The following SAXO1 variants were observed in gnomAD, a reference collection of about 807,000 sequenced individuals.
SAXO1 encodes 4930500O09Rik.
Under a neutral mutation model 17.5 loss-of-function variants are expected in SAXO1, and 21 were observed. The ratio of observed to expected loss-of-function variants is 1.20; its 90% CI spans 0.85 to 1.72. The LOEUF (loss-of-function observed/expected upper bound fraction) is 1.72. SAXO1 is among the 40% of genes most tolerant of loss of function. The probability of loss-of-function intolerance (pLI) is 0.00; values close to 1 mark genes in which losing one functional copy is unlikely to be tolerated. For missense variants in SAXO1, 843 were observed against 596.0 expected (o/e 1.41, Z -4.32); for synonymous variants, 274 against 216.5 (o/e 1.27, Z -2.33).
chr9:18,995,809 G>A (rs904066519), intron 1 of SAXO1, among the ~76,000 whole-genome samples: 1 of 152,274 alleles, frequency 6.6e-6, no homozygotes, highest in Non-Finnish European at 1.5e-5. Context: ...GCTGGGTGTG[G>A]TGGCTTTTGC....
intron 1 of SAXO1, among the ~76,000 whole-genome samples, chr9:18,993,730 C>T (rs973272106): frequency 1.3e-5 from 2 of 152,152 alleles, no homozygotes; most frequent in African/African-American, 4.8e-5. Context: ...TCATCAAGAC[C>T]TTCATATGGA....
At chr9:18,990,196 C>T (rs1194932337) in intron 1 of SAXO1, among the ~76,000 whole-genome samples, 1 of 151,238 alleles carries the variant, frequency 6.6e-6, no homozygotes, top group Non-Finnish European at 1.5e-5. Flanking sequence ...TAACAACTAC[C>T]AAATAATCCA....
intron 3 of SAXO1, among the ~76,000 whole-genome samples, chr9:18,930,021 C>G (rs1388431625): frequency 1.3e-5 from 2 of 152,210 alleles, no homozygotes; most frequent in Non-Finnish European, 2.9e-5. Flanking sequence ...CTCAGAGGAG[C>G]TAAGAAACTT....
chr9:18,932,715 C>T (rs544564335), intron 3 of SAXO1, among the ~76,000 whole-genome samples: 2 of 152,254 alleles, frequency 1.3e-5, no homozygotes, highest in Admixed American at 6.5e-5. Context: ...TCCCAGCAAT[C>T]GTTGGTAGCT....
intron 1 of SAXO1, among the ~76,000 whole-genome samples, chr9:18,968,679 C>T (rs145116782): frequency 6.6e-5 from 10 of 151,906 alleles, no homozygotes; most frequent in African/African-American, 1.7e-4. Flanking sequence ...CTGCAACCTC[C>T]GCCTCTCAGG....
rs536327487 is a variant in SAXO1 at position 19,045,673 on chromosome 9, G to A, written c.-158+3536C>T. On this transcript the variant is annotated intron_variant, in intron 1 of 3. Transcript: ENST00000542071. ...CCAGCCAAAGAGCACAGGTCTAAAT[G>A]AGGCAGGCGGCAAGACTTTCTTCAA... is the stretch of plus-strand genomic sequence containing the variant. Among the ~76,000 whole-genome samples, 7 of 152,304 alleles carry A rather than the reference G, an allele frequency of 4.6e-5. No individual in the cohort carries two copies. In the East Asian group the frequency reaches 1.3e-3, roughly 29 times the overall value.
chr9:19,041,326 T>A (rs941268161), intron 1 of SAXO1, among the ~76,000 whole-genome samples: 2 of 152,154 alleles, frequency 1.3e-5, no homozygotes, highest in African/African-American at 4.8e-5. Context: ...ATATTCCATG[T>A]ACATGGATTG....
intron 1 of SAXO1, among the ~76,000 whole-genome samples, chr9:18,975,837 G>A (rs1488684339): frequency 6.6e-6 from 1 of 152,168 alleles, no homozygotes; most frequent in East Asian, 1.9e-4. Flanking sequence ...AAGTTGTGCT[G>A]AGCGAAAAGT....
intron 1 of SAXO1, among the ~76,000 whole-genome samples, chr9:19,022,055 C>A (rs144864746): frequency 6.6e-6 from 1 of 152,188 alleles, no homozygotes; most frequent in Non-Finnish European, 1.5e-5. Context: ...GCTGCTCACT[C>A]CTTGGGTCCG....
chr9:19,024,871 C>A (rs1835408727), intron 1 of SAXO1, among the ~76,000 whole-genome samples: 1 of 152,048 alleles, frequency 6.6e-6, no homozygotes, highest in African/African-American at 2.4e-5. Context: ...ATTTTAATAT[C>A]AATGGAGGGA....
In SAXO1 at chr9:18,992,567, C is replaced by A. The variant is rs1375386358; in HGVS notation, c.38+40304G>T. 2.0e-5 allele frequency among the ~76,000 whole-genome samples: 3 copies of A among 152,122 alleles called. No homozygotes were observed. In the East Asian group the frequency reaches 5.8e-4, roughly 29 times the overall value. ...ATCTTTTGAGGTGGCACAATTCAAT[C>A]CATAACACACAGCTAGGAAGTGGTC... On this transcript the variant is annotated intron_variant, in intron 1 of 3. Coordinates refer to ENST00000380534, the MANE Select transcript of SAXO1 (RefSeq NM_153707.4).
At chr9:18,973,609 C>G (rs927810672) in intron 1 of SAXO1, among the ~76,000 whole-genome samples, 1 of 152,210 alleles carries the variant, frequency 6.6e-6, no homozygotes. Flanking sequence ...ATAAGACAAG[C>G]TGGGTGTCTC....
rs1322925288 is a variant in SAXO1, at chr9:18,934,886, T to C, written c.422-5831A>G. 2.0e-5 allele frequency among the ~76,000 whole-genome samples: 3 copies of C among 152,158 alleles called. No homozygotes were observed. In the East Asian group the frequency reaches 5.8e-4, roughly 29 times the overall value. On this transcript the variant is annotated intron_variant, in intron 3 of 3. Coordinates refer to ENST00000380534, the MANE Select transcript of SAXO1 (RefSeq NM_153707.4). ...TCCCTGCAGTGTATGGCTACCGATA[T>C]TTTTGTTCATTTTTTTCTTTTTAAT...
chr9:19,000,604 G>A (rs1379374752), intron 1 of SAXO1, among the ~76,000 whole-genome samples: 1 of 152,254 alleles, frequency 6.6e-6, no homozygotes, highest in Non-Finnish European at 1.5e-5. Flanking sequence ...CCTCTGCCCA[G>A]CCACTGTGCA....
At chr9:18,933,000 G>C (rs948004937) in intron 3 of SAXO1, among the ~76,000 whole-genome samples, 5 of 152,174 alleles carry the variant, frequency 3.3e-5, no homozygotes, top group African/African-American at 4.8e-5. Flanking sequence ...TTTGAGCCTA[G>C]ATACATTTAC....
intron 1 of SAXO1, among the ~76,000 whole-genome samples, chr9:19,000,564 T>C (rs10125038): frequency 0.49 from 72,944 of 150,240 alleles, 18,504 homozygotes; most frequent in Non-Finnish European, 0.57. Flanking sequence ...CCTCTGCCCA[T>C]ACGCCCCACC....
intron 1 of SAXO1, among the ~76,000 whole-genome samples, chr9:18,960,428 T>A (rs1164003462): frequency 6.6e-6 from 1 of 152,148 alleles, no homozygotes; most frequent in African/African-American, 2.4e-5. Flanking sequence ...CCTTCCCTGT[T>A]ACTTCCCTGA....
At chr9:18,951,002 T>G in intron 1 of SAXO1, 65 bp from the exon 2 acceptor site, 1 of 1,465,582 alleles carries the variant, frequency 6.8e-7, no homozygotes, top group Non-Finnish European at 9.3e-7. Context: ...TTCCTAAGAG[T>G]ACTTCCGCCA....
chr9:18,941,273 G>A lies in SAXO1; in HGVS notation c.421+364C>T, dbSNP rs1028514723. Among the ~76,000 whole-genome samples, 23 of 151,136 alleles carry A rather than the reference G, an allele frequency of 1.5e-4. No homozygotes were observed. The Middle Eastern group carries it at 0.014, about 89-fold the overall frequency. On this transcript the variant is annotated intron_variant, in intron 3 of 3. Coordinates refer to ENST00000380534, the MANE Select transcript of SAXO1 (RefSeq NM_153707.4). ...AGTGTCTTATGCCTCACAGACTGTA[G>A]TGTCTCTGTCAACAACTACTCAACT...
Sources: allele counts gnomAD v4.1 joint callset (sites outside exome capture counted in the v4.1 genomes callset), GRCh38; gene constraint gnomAD v4.1.1; transcripts MANE v1.5; gene names NCBI Gene and HGNC (gene_info 2026-07-23, HGNC 2026-07-21).